BSPRY: variants seen among roughly 807,000 people sequenced by gnomAD.
The protein encoded by BSPRY is B-box and SPRY domain containing.
In BSPRY, 33 loss-of-function variants were observed where a neutral mutation model predicts 38.0. The ratio of observed to expected loss-of-function variants is 0.87; its 90% CI spans 0.66 to 1.16. BSPRY has a LOEUF of 1.16. Ranked by LOEUF, BSPRY falls within the 50% of genes most tolerant of loss-of-function variation. The probability of loss-of-function intolerance (pLI) is 0.00; values close to 1 mark genes in which losing one functional copy is unlikely to be tolerated. For missense variants in BSPRY, 523 were observed against 533.2 expected (o/e 0.98, Z 0.19); for synonymous variants, 224 against 228.5 (o/e 0.98, Z 0.18).
chr9:113,369,937 G>A lies in BSPRY; in HGVS notation c.1004G>A (p.Arg335His), dbSNP rs778338138. 1.1e-5 allele frequency: 17 copies of A among 1,614,066 alleles called. No homozygotes were observed. Among genetic ancestry groups the A allele is most frequent in the South Asian group, 3.3e-5 (3 of 91,084 alleles). ...TTCTCTCGCTATGATCAGGAGTTTC[G>A]TTTCTCACACAATGGGCAGCACGAG... ...WVFSRYDQEF[R>H]FSHNGQHEPL... The change falls in exon 6 of 6, where the codon CGT becomes CAT. Residue 335 changes from arginine (R) to histidine (H), a missense_variant. By Grantham distance (29) the Arg-to-His change is conservative (BLOSUM62 0). Transcript: ENST00000374183.
At chr9:113,363,224 T>C (rs1232524935) in intron 4 of BSPRY, among the ~76,000 whole-genome samples, 3 of 152,066 alleles carry the variant, frequency 2.0e-5, no homozygotes, top group Non-Finnish European at 4.4e-5. Flanking sequence ...GGCAGGATGG[T>C]AGCTTGAAGC....
Position 113,360,693 on chromosome 9 carries a change from G to C in BSPRY, c.487G>C (p.Gly163Arg), listed in dbSNP as rs757139288. 6.2e-7 allele frequency: 1 copy of C among 1,603,454 alleles called. No homozygotes were observed. The highest frequency in any genetic ancestry group is 1.1e-5 in the South Asian group (1 of 89,036). ...ALQKLDTIRT[G>R]LVGMLTHLDD... is the part of the protein sequence containing the mutation. ...GCAGAAACTTGACACCATCCGCACT[G>C]GCCTGGTGGGCATGCTTACTCACCT... The change falls in exon 3 of 6, where the codon GGC (glycine) becomes CGC (arginine). Residue 163 changes from glycine to arginine, a missense_variant. Physicochemically the swap from Gly to Arg is moderately radical, Grantham distance 125 (BLOSUM62 -2). Transcript: ENST00000374183.
intron 4 of BSPRY, among the ~76,000 whole-genome samples, chr9:113,364,632 C>T (rs1834215809): frequency 6.6e-6 from 1 of 152,014 alleles, no homozygotes; most frequent in Non-Finnish European, 1.5e-5. Context: ...TTCATTGTCG[C>T]TCGTTCTCTC....
At chr9:113,355,007 C>T (rs1834034211) in intron 2 of BSPRY, among the ~76,000 whole-genome samples, 1 of 152,200 alleles carries the variant, frequency 6.6e-6, no homozygotes, top group Admixed American at 6.5e-5. Context: ...AGATGCCTGC[C>T]ACCATGAGTG....
At chr9:113,355,393 G>T (rs1392385796) in intron 2 of BSPRY, among the ~76,000 whole-genome samples, 4 of 152,102 alleles carry the variant, frequency 2.6e-5, no homozygotes, top group African/African-American at 9.7e-5. Flanking sequence ...GGACACTAGG[G>T]GTCCTCTTAG....
At chr9:113,369,312 G>A (rs1834301708) in intron 5 of BSPRY, among the ~76,000 whole-genome samples, 1 of 151,992 alleles carries the variant, frequency 6.6e-6, no homozygotes, top group African/African-American at 2.4e-5. Context: ...TTTTCTCTCT[G>A]GGCCTTATTT....
chr9:113,349,656 G>A lies in BSPRY; in HGVS notation c.77G>A (p.Gly26Asp). ...CCGGGGCCACTCTGCCCCGAACACG[G>A]CCAGGCTCTGAGCTGGTTCTGCGGC... is the stretch of plus-strand genomic sequence containing the variant. ...PGPGPLCPEHGQALSWFCGSE... is the reference protein window; with the variant it reads ...PGPGPLCPEHDQALSWFCGSE... Residue 26 changes from glycine to aspartate, a missense_variant, in exon 1 of 6, where the codon GGC becomes GAC. Gly to Asp is a moderately conservative substitution (Grantham distance 94, BLOSUM62 -1). Transcript: ENST00000374183. The A allele has an allele frequency of 3.2e-6, 4 of 1,235,852 alleles. No homozygotes were observed. The highest frequency in any genetic ancestry group is 4.0e-6 in the Non-Finnish European group (4 of 987,950). 76.6% of individuals were successfully genotyped at this position (1,235,852 alleles called of 1,614,324 possible).
Position 113,360,740 on chromosome 9 carries a change from A to G in BSPRY, c.531+3A>G. On this transcript the variant is annotated splice_donor_region_variant and intron_variant, in intron 3 of 5. Coordinates refer to ENST00000374183, the MANE Select transcript of BSPRY (RefSeq NM_017688.3). ...ACCTGGATGACCTCCAGCTGATTGT[A>G]AGTCAGGCAAGGGTGAGGGCATGAC... 3 of 1,574,168 alleles carry G rather than the reference A, an allele frequency of 1.9e-6. No homozygotes were observed. Among genetic ancestry groups the G allele is most frequent in the Non-Finnish European group, 2.6e-6 (3 of 1,160,244 alleles).
At chr9:113,363,494 C>T (rs951912304) in intron 4 of BSPRY, among the ~76,000 whole-genome samples, 3 of 152,064 alleles carry the variant, frequency 2.0e-5, no homozygotes, top group Non-Finnish European at 2.9e-5. Flanking sequence ...CTTTCCCAAT[C>T]CTATTCCCTG....
intron 4 of BSPRY, among the ~76,000 whole-genome samples, chr9:113,363,609 G>A (rs1834190885): frequency 6.6e-6 from 1 of 151,850 alleles, no homozygotes; most frequent in African/African-American, 2.4e-5. Flanking sequence ...TTTTAGGCCC[G>A]GTGGCTCATG....
chr9:113,354,495 G>A (rs1280823187), intron 2 of BSPRY, among the ~76,000 whole-genome samples, 157 bp downstream of exon 2: 1 of 152,230 alleles, frequency 6.6e-6, no homozygotes, highest in Non-Finnish European at 1.5e-5. Context: ...TACCATCTGG[G>A]CAGGGTGGGC....
intron 5 of BSPRY, 135 bp downstream of exon 5, chr9:113,368,518 G>A: frequency 8.2e-7 from 1 of 1,214,182 alleles, no homozygotes; most frequent in Non-Finnish European, 1.1e-6. Context: ...GATGCAGGCT[G>A]GTCAGTAGGG....
At chr9:113,362,279 G>A in intron 3 of BSPRY, 90 bp from the exon 4 acceptor site, 1 of 1,383,974 alleles carries the variant, frequency 7.2e-7, no homozygotes, top group Non-Finnish European at 1.0e-6. Context: ...GAGTCCACAT[G>A]GAGCCCTTTC....
chr9:113,355,013 G>A (rs1392861460), intron 2 of BSPRY, among the ~76,000 whole-genome samples: 1 of 152,204 alleles, frequency 6.6e-6, no homozygotes, highest in African/African-American at 2.4e-5. Context: ...CTGCCACCAT[G>A]AGTGGCTAAC....
At chr9:113,368,515 G>A in intron 5 of BSPRY, 132 bp downstream of exon 5, 1 of 1,281,288 alleles carries the variant, frequency 7.8e-7, no homozygotes, top group Non-Finnish European at 1.1e-6. Context: ...CTGGATGCAG[G>A]CTGGTCAGTA....
At chr9:113,352,751 C>T (rs1833992057) in intron 1 of BSPRY, among the ~76,000 whole-genome samples, 1 of 152,086 alleles carries the variant, frequency 6.6e-6, no homozygotes, top group African/African-American at 2.4e-5. Context: ...CAAAAGGTGG[C>T]TCTGGCTAGC....
chr9:113,362,174 G>GGGGT (rs1554734197), intron 3 of BSPRY, among the ~76,000 whole-genome samples, 195 bp from the exon 4 acceptor site: 35 of 141,344 alleles, frequency 2.5e-4, no homozygotes, highest in African/African-American at 8.7e-4. Context: ...ATGTGTTATG[G>GGGGT]GTGTGTGTGT....
At position 113,370,592 on chromosome 9, in the gene BSPRY, T is replaced by C. The variant is rs914639902; in HGVS notation, c.*450T>C. On this transcript the variant is annotated 3_prime_UTR_variant, in exon 6 of 6. Transcript: ENST00000374183. The surrounding 1 kb of genome is among the most constrained non-coding windows in gnomAD (Gnocchi z 4.8). ...CCATGCATCTGCCCCTCTGAGGGTG[T>C]CTTCACTTTGTCTCTGGCATCTAGC... 2.6e-5 allele frequency: 4 copies of C among 153,984 alleles called. No individual in the cohort carries two copies. The highest frequency in any genetic ancestry group is 1.9e-4 in the East Asian group (1 of 5,218). The allele number at this position is 153,984 out of a possible 1,614,324, so 9.5% of individuals were successfully genotyped here.
chr9:113,358,401 T>C (rs755453861), intron 2 of BSPRY, among the ~76,000 whole-genome samples: 2 of 151,968 alleles, frequency 1.3e-5, no homozygotes, highest in African/African-American at 2.4e-5. Context: ...CCTGAGTAAC[T>C]GGGATTACAG....
Sources: gnomAD v4.1 joint callset for allele counts (sites outside exome capture counted in the v4.1 genomes callset) on GRCh38, gnomAD v4.1.1 for gene constraint, Gnocchi (gnomAD v3.1) non-coding constraint, MANE v1.5 for transcripts, NCBI Gene and HGNC (gene_info 2026-07-23, HGNC 2026-07-21) for gene names.